The following KDM4C variants were observed in gnomAD, a reference collection of about 807,000 sequenced individuals.
The protein encoded by KDM4C is lysine-specific demethylase 4C.
Under a neutral mutation model 129.3 loss-of-function variants are expected in KDM4C, and 81 were observed. The observed-to-expected ratio is 0.63, with a 90% CI of 0.52 to 0.75. The LOEUF is 0.75. Ranked by LOEUF, KDM4C falls within the 30% of genes least tolerant of loss-of-function variation. The pLI is 0.00. For synonymous variants in KDM4C, 573 were observed against 456.1 expected (o/e 1.26, Z -3.26); for missense variants, 1,457 against 1,304.0 (o/e 1.12, Z -1.81).
chr9:7,033,892 A>G (rs1036522523), intron 15 of KDM4C, among the ~76,000 whole-genome samples: 6 of 152,210 alleles, frequency 3.9e-5, no homozygotes, highest in Non-Finnish European at 7.3e-5. Context: ...GCTGCAAGGC[A>G]CATCTCTTTT....
At chr9:7,167,344 G>T (rs1007505506) in intron 20 of KDM4C, among the ~76,000 whole-genome samples, 2 of 152,076 alleles carry the variant, frequency 1.3e-5, no homozygotes, top group Non-Finnish European at 2.9e-5. Flanking sequence ...GAACTAGGAC[G>T]GTTGGTTACC....
intron 18 of KDM4C, among the ~76,000 whole-genome samples, chr9:7,111,128 T>A (rs1838272445): frequency 6.6e-6 from 1 of 152,162 alleles, no homozygotes; most frequent in South Asian, 2.1e-4. Flanking sequence ...TTTTTTTTGA[T>A]GAGACAGTGG....
intron 8 of KDM4C, among the ~76,000 whole-genome samples, chr9:6,923,506 G>A (rs905291622): frequency 5.3e-5 from 8 of 152,126 alleles, no homozygotes; most frequent in Admixed American, 6.5e-5. Context: ...GTGAATGACT[G>A]AATGATTACA....
chr9:6,779,801 C>T (rs1588209886), intron 1 of KDM4C, among the ~76,000 whole-genome samples: 1 of 152,132 alleles, frequency 6.6e-6, no homozygotes, highest in African/African-American at 2.4e-5. Context: ...AAGTGGGAAA[C>T]CTGCTGTTTT....
At position 6,992,697 on chromosome 9, in the gene KDM4C, G is replaced by C. The variant is rs374498952; in HGVS notation, c.1786+2173G>C. ...ATTGTTAGATTGTGATGTGCAGTGA[G>C]TGTTTTACTCACTGGGAGCATACAA... is the stretch of plus-strand genomic sequence containing the variant. On this transcript the variant is annotated intron_variant, in intron 12 of 21. Coordinates refer to ENST00000381309, the MANE Select transcript of KDM4C (RefSeq NM_015061.6). Among the ~76,000 whole-genome samples the C allele has an allele frequency of 5.3e-5, 8 of 152,334 alleles. No homozygotes were observed. The East Asian group carries it at 9.6e-4, about 18-fold the overall frequency.
chr9:6,961,262 G>T (rs1436056913), intron 8 of KDM4C, among the ~76,000 whole-genome samples: 2 of 152,138 alleles, frequency 1.3e-5, no homozygotes, highest in African/African-American at 4.8e-5. Flanking sequence ...TAATTATCCA[G>T]TGGTAATTAT....
chr9:6,858,915 A>C (rs1362241475), intron 5 of KDM4C, among the ~76,000 whole-genome samples: 1 of 151,988 alleles, frequency 6.6e-6, no homozygotes, highest in Admixed American at 6.6e-5. Flanking sequence ...TAGAAAATGC[A>C]TGCAATTTAA....
At chr9:6,920,168 G>A (rs558650341) in intron 8 of KDM4C, among the ~76,000 whole-genome samples, 2 of 152,188 alleles carry the variant, frequency 1.3e-5, no homozygotes, top group African/African-American at 4.8e-5. Context: ...ATGGGTGCTG[G>A]TGATTGTTTG....
intron 11 of KDM4C, among the ~76,000 whole-genome samples, chr9:6,987,250 C>T (rs1311375342): frequency 6.6e-6 from 1 of 152,142 alleles, no homozygotes; most frequent in Non-Finnish European, 1.5e-5. Flanking sequence ...ATCTCAGGAC[C>T]AGGGTGACCT....
intron 17 of KDM4C, among the ~76,000 whole-genome samples, chr9:7,081,754 C>G (rs1297469236): frequency 6.6e-6 from 1 of 152,182 alleles, no homozygotes; most frequent in Non-Finnish European, 1.5e-5. Context: ...CTTGGGATTT[C>G]CACTATTTGC....
intron 8 of KDM4C, among the ~76,000 whole-genome samples, chr9:6,970,917 T>C (rs1831871798): frequency 6.7e-6 from 1 of 149,434 alleles, no homozygotes. Context: ...CATCATTCCC[T>C]CGGCTCTACC....
chr9:7,070,753 A>G (rs1346023942), intron 17 of KDM4C, among the ~76,000 whole-genome samples: 2 of 152,196 alleles, frequency 1.3e-5, no homozygotes, highest in African/African-American at 2.4e-5. Context: ...CGAACATTAG[A>G]CATAATGGTG....
rs184624099 is a variant in KDM4C at position 6,854,333 on chromosome 9, A to C, written c.629+4633A>C. 2.7e-3 allele frequency among the ~76,000 whole-genome samples: 407 copies of C among 152,168 alleles called. 1 individual carries two copies. Among genetic ancestry groups the C allele is most frequent in the Non-Finnish European group, 4.2e-3 (287 of 67,998 alleles). On this transcript the variant is annotated intron_variant, in intron 5 of 21. Transcript: ENST00000381309. ...CACCTGAGGTCAGGAGCTCGAGACCAGCCTCAACATGAAGAAACCCCGTCT... is the reference window on the plus strand; with the variant it reads ...CACCTGAGGTCAGGAGCTCGAGACCCGCCTCAACATGAAGAAACCCCGTCT...
At chr9:6,813,785 T>C (rs1232317131) in intron 3 of KDM4C, among the ~76,000 whole-genome samples, 1 of 152,190 alleles carries the variant, frequency 6.6e-6, no homozygotes, top group Non-Finnish European at 1.5e-5. Context: ...AATGACTTAA[T>C]ATACAATTAC....
rs566615783 is a variant in KDM4C, at chr9:6,797,071, C to G, written c.144+3939C>G. 4.6e-5 allele frequency among the ~76,000 whole-genome samples: 7 copies of G among 152,060 alleles called. No individual in the cohort carries two copies. In the South Asian group the frequency reaches 1.5e-3, roughly 32 times the overall value. ...GTGGCTCACTGCAGCCTTGACCTCC[C>G]AGGCTCAAGCAAGTAGCCTCCCAAG... On this transcript the variant is annotated intron_variant, in intron 2 of 21. Transcript: ENST00000381309.
At chr9:7,015,423 C>T (rs964280038) in intron 14 of KDM4C, among the ~76,000 whole-genome samples, 3 of 152,050 alleles carry the variant, frequency 2.0e-5, no homozygotes, top group Non-Finnish European at 4.4e-5. Flanking sequence ...ATTGCTAACT[C>T]TGAATTTGCA....
At chr9:7,159,847 C>T (rs1843592020) in intron 19 of KDM4C, among the ~76,000 whole-genome samples, 1 of 152,042 alleles carries the variant, frequency 6.6e-6, no homozygotes, top group Non-Finnish European at 1.5e-5. Flanking sequence ...TTGTGGTGTT[C>T]TCTGTATTTC....
chr9:6,959,155 C>T (rs529095522), intron 8 of KDM4C, among the ~76,000 whole-genome samples: 62 of 152,302 alleles, frequency 4.1e-4, no homozygotes, highest in African/African-American at 1.3e-3. Context: ...TACCCCCAAA[C>T]ACTACTTTTA....
chr9:6,884,025 A>C (rs1036584519), intron 6 of KDM4C, among the ~76,000 whole-genome samples: 1 of 152,156 alleles, frequency 6.6e-6, no homozygotes, highest in Non-Finnish European at 1.5e-5. Context: ...AAACTTGCCC[A>C]TTACACAACG....
Sources: allele counts gnomAD v4.1 joint callset (sites outside exome capture counted in the v4.1 genomes callset), GRCh38; gene constraint gnomAD v4.1.1; transcripts MANE v1.5; gene names NCBI Gene and HGNC (gene_info 2026-07-23, HGNC 2026-07-21).